The following NUBPL variants were observed in gnomAD, a reference collection of about 807,000 sequenced individuals.
The protein encoded by NUBPL is NUBP iron-sulfur cluster assembly factor, mitochondrial, also known as iron-sulfur cluster transfer protein NUBPL.
A neutral mutation model predicts 45.7 loss-of-function variants in NUBPL; 31 were observed. That is an observed-to-expected ratio of 0.68 (90% CI 0.51 to 0.92). The LOEUF is 0.92. Among genes scored for constraint, NUBPL ranks in the 40% least tolerant of loss-of-function variants. The pLI is 0.00. For synonymous variants in NUBPL, 144 were observed against 140.9 expected, an observed-to-expected ratio of 1.02 and a Z score of -0.15; for missense variants, 401 against 398.7, an observed-to-expected ratio of 1.01 and a Z score of -0.05.
intron 6 of NUBPL, among the ~76,000 whole-genome samples, chr14:31,686,492 T>C (rs556569044): frequency 6.6e-6 from 1 of 152,302 alleles, no homozygotes; most frequent in South Asian, 2.1e-4. Flanking sequence ...TAAAAGAATT[T>C]GGAAATGAGG....
At chr14:31,749,009 G>T (rs963063702) in intron 6 of NUBPL, among the ~76,000 whole-genome samples, 5 of 152,082 alleles carry the variant, frequency 3.3e-5, no homozygotes, top group Admixed American at 3.3e-4. Context: ...CTTTCAGTCT[G>T]TCTGTCTTTA....
At chr14:31,726,006 G>C (rs1383722859) in intron 6 of NUBPL, among the ~76,000 whole-genome samples, 2 of 151,942 alleles carry the variant, frequency 1.3e-5, no homozygotes, top group Non-Finnish European at 2.9e-5. Flanking sequence ...CACCGTGCCT[G>C]GTCCGATTTC....
chr14:31,663,231 C>T (rs551113672), intron 4 of NUBPL, among the ~76,000 whole-genome samples: 1 of 152,266 alleles, frequency 6.6e-6, no homozygotes, highest in African/African-American at 2.4e-5. Flanking sequence ...TGTGTAGAAG[C>T]TCTTTAGTTT....
intron 6 of NUBPL, among the ~76,000 whole-genome samples, chr14:31,780,750 A>G (rs954714673): frequency 6.6e-5 from 10 of 152,222 alleles, no homozygotes; most frequent in African/African-American, 2.4e-4. Flanking sequence ...AATTCAGAAC[A>G]GCCACAGTCA....
At chr14:31,622,761 G>A (rs1019419982) in intron 4 of NUBPL, among the ~76,000 whole-genome samples, 1 of 152,240 alleles carries the variant, frequency 6.6e-6, no homozygotes, top group African/African-American at 2.4e-5. Flanking sequence ...GAGGATGTAT[G>A]GAAATGCCTG....
At chr14:31,581,573 T>G (rs1428167730) in intron 3 of NUBPL, among the ~76,000 whole-genome samples, 1 of 152,232 alleles carries the variant, frequency 6.6e-6, no homozygotes, top group African/African-American at 2.4e-5. Context: ...CACTTCTTTT[T>G]AGGTTCTTTG....
At chr14:31,599,821 A>G (rs1357251846) in intron 4 of NUBPL, among the ~76,000 whole-genome samples, 1 of 152,144 alleles carries the variant, frequency 6.6e-6, no homozygotes, top group Non-Finnish European at 1.5e-5. Flanking sequence ...TCTTACCATC[A>G]TGCAATTCAA....
At chr14:31,730,089 C>T (rs145478279) in intron 6 of NUBPL, among the ~76,000 whole-genome samples, 641 of 152,120 alleles carry the variant, frequency 4.2e-3, no homozygotes, top group African/African-American at 6.9e-3. Flanking sequence ...CATGGCAGTA[C>T]GGCAATTTGG....
chr14:31,837,695 A>T (rs79861823), intron 8 of NUBPL, among the ~76,000 whole-genome samples: 1,727 of 152,348 alleles, frequency 0.011, 13 homozygotes, highest in Non-Finnish European at 0.017. Flanking sequence ...CAATTCAGTA[A>T]GGGGAAGAAG....
chr14:31,603,834 C>G (rs2034510953), intron 4 of NUBPL, among the ~76,000 whole-genome samples: 1 of 152,132 alleles, frequency 6.6e-6, no homozygotes, highest in Non-Finnish European at 1.5e-5. Context: ...GGAATACATA[C>G]TTAGTTTGCA....
intron 6 of NUBPL, among the ~76,000 whole-genome samples, chr14:31,702,138 C>T (rs1197795131): frequency 6.6e-6 from 1 of 152,152 alleles, no homozygotes; most frequent in Non-Finnish European, 1.5e-5. Context: ...TAAAATCAGC[C>T]AAGGGAAGAA....
chr14:31,649,829 C>T (rs2139733068), intron 4 of NUBPL, among the ~76,000 whole-genome samples: 1 of 152,242 alleles, frequency 6.6e-6, no homozygotes, highest in South Asian at 2.1e-4. Context: ...ACCCTTAGCT[C>T]TTTGCCTTTA....
chr14:31,712,270 A>C (rs1168133474), intron 6 of NUBPL, among the ~76,000 whole-genome samples: 1 of 152,248 alleles, frequency 6.6e-6, no homozygotes, highest in Non-Finnish European at 1.5e-5. Context: ...TTAGCTAGAC[A>C]GAAAAGTTCT....
At chr14:31,677,899 T>C (rs1009692592) in intron 6 of NUBPL, among the ~76,000 whole-genome samples, 4 of 152,154 alleles carry the variant, frequency 2.6e-5, no homozygotes, top group Non-Finnish European at 5.9e-5. Flanking sequence ...CAGTGAGTTC[T>C]CCCAGACCCC....
chr14:31,587,168 GT>G (rs2034016645), intron 3 of NUBPL, among the ~76,000 whole-genome samples: 1 of 152,156 alleles, frequency 6.6e-6, no homozygotes. Flanking sequence ...TTGACCATTA[GT>G]TTTGTTAACA....
intron 6 of NUBPL, among the ~76,000 whole-genome samples, chr14:31,712,553 G>T (rs1047687596): frequency 7.9e-5 from 12 of 152,230 alleles, no homozygotes; most frequent in Admixed American, 1.3e-4. Flanking sequence ...GCCAGCTCCG[G>T]CCTCGGCCAG....
At chr14:31,627,307 G>A (rs760901382) in intron 4 of NUBPL, among the ~76,000 whole-genome samples, 1 of 152,126 alleles carries the variant, frequency 6.6e-6, no homozygotes, top group Non-Finnish European at 1.5e-5. Flanking sequence ...GCATGTAGAT[G>A]TCAAGAGTGT....
chr14:31,585,717 T>C (rs2033978763), intron 3 of NUBPL, among the ~76,000 whole-genome samples: 1 of 152,220 alleles, frequency 6.6e-6, no homozygotes, highest in South Asian at 2.1e-4. Flanking sequence ...ATTTTCTGTC[T>C]TTTTGATTAT....
At chr14:31,650,235 G>A (rs995850928) in intron 4 of NUBPL, among the ~76,000 whole-genome samples, 51 of 151,686 alleles carry the variant, frequency 3.4e-4, no homozygotes, top group African/African-American at 1.2e-3. Context: ...TTGCATATGT[G>A]TGTAAAGATA....
Sources: gnomAD v4.1 joint callset for allele counts (sites outside exome capture counted in the v4.1 genomes callset) on GRCh38, gnomAD v4.1.1 for gene constraint, MANE v1.5 for transcripts, NCBI Gene and HGNC (gene_info 2026-07-23, HGNC 2026-07-21) for gene names.